RASGEF1A: variants seen among roughly 807,000 people sequenced by gnomAD.
RASGEF1A encodes the protein RasGEF domain family member 1A.
In RASGEF1A, 18 loss-of-function variants were observed where a neutral mutation model predicts 56.4. That is an observed-to-expected ratio of 0.32 (90% CI 0.22 to 0.47). The LOEUF (loss-of-function observed/expected upper bound fraction) is 0.47, where lower values mean the gene tolerates loss of function less well. Ranked by LOEUF, RASGEF1A falls within the 20% of genes least tolerant of loss-of-function variation. The probability of loss-of-function intolerance (pLI) is 1.00; values close to 1 mark genes in which losing one functional copy is unlikely to be tolerated. For synonymous variants in RASGEF1A, 245 were observed against 242.6 expected (o/e 1.01, Z -0.09); for missense variants, 422 against 627.1 (o/e 0.67, Z 3.49).
intron 1 of RASGEF1A, among the ~76,000 whole-genome samples, chr10:43,217,112 G>A (rs1840147424): frequency 1.3e-5 from 2 of 152,156 alleles, no homozygotes; most frequent in Non-Finnish European, 1.5e-5. Flanking sequence ...GTCACTCACT[G>A]GCAGGGGAGC....
chr10:43,211,376 C>A (rs116091301), intron 1 of RASGEF1A, among the ~76,000 whole-genome samples: 3 of 152,180 alleles, frequency 2.0e-5, no homozygotes, highest in African/African-American at 7.2e-5. Flanking sequence ...ACACCCCTGA[C>A]CTGCACAGCC....
chr10:43,228,752 A>T (rs1840316282), intron 1 of RASGEF1A, among the ~76,000 whole-genome samples: 1 of 152,148 alleles, frequency 6.6e-6, no homozygotes, highest in African/African-American at 2.4e-5. Context: ...TTACCTACAC[A>T]TTGTGCTTGT....
rs1050120744 is a variant in RASGEF1A, at chr10:43,196,909, G to A, written c.1348+67C>T. ...GGCCATCTCCCAGGGCAACCCCAAA[G>A]AGCACCGGGCCTGGACAAGGAGTCA... On this transcript the variant is annotated intron_variant, in intron 11 of 12. Coordinates refer to ENST00000395810, the MANE Select transcript of RASGEF1A (RefSeq NM_145313.4). This position sits in a 1 kb window ranked among gnomAD's most constrained non-coding sequence, Gnocchi z 4.6. The A allele has an allele frequency of 6.3e-7, 1 of 1,585,300 alleles. No individual in the cohort carries two copies. Among genetic ancestry groups the A allele is most frequent in the Admixed American group, 1.7e-5 (1 of 58,424 alleles).
At chr10:43,200,118 G>A (rs1042853664) in intron 6 of RASGEF1A, 64 bp downstream of exon 6, 79 of 1,358,890 alleles carry the variant, frequency 5.8e-5, no homozygotes, top group Non-Finnish European at 7.3e-5. Context: ...CACCCACCCT[G>A]CATGGAGCGC....
intron 1 of RASGEF1A, among the ~76,000 whole-genome samples, chr10:43,248,861 C>A (rs1016008070): frequency 2.0e-5 from 3 of 151,758 alleles, no homozygotes; most frequent in African/African-American, 7.3e-5. Context: ...TCCTGGGCCT[C>A]ATGAAGCATA....
At chr10:43,222,164 C>G (rs1054620394) in intron 1 of RASGEF1A, among the ~76,000 whole-genome samples, 1 of 152,146 alleles carries the variant, frequency 6.6e-6, no homozygotes, top group Admixed American at 6.5e-5. Context: ...TGTAACACAA[C>G]GGTAAGGATT....
intron 1 of RASGEF1A, among the ~76,000 whole-genome samples, chr10:43,262,647 G>A (rs1642005583): frequency 6.6e-6 from 1 of 152,240 alleles, no homozygotes; most frequent in South Asian, 2.1e-4. Flanking sequence ...CTAGACCCCA[G>A]GGGATCATAG....
At chr10:43,229,453 G>A (rs1840330084) in intron 1 of RASGEF1A, among the ~76,000 whole-genome samples, 1 of 152,190 alleles carries the variant, frequency 6.6e-6, no homozygotes, top group Non-Finnish European at 1.5e-5. Flanking sequence ...GCAGAGGCAG[G>A]CTGGGCGCCG....
chr10:43,196,207 G>A lies in RASGEF1A; in HGVS notation c.*37C>T. 1.2e-6 allele frequency: 2 copies of A among 1,608,602 alleles called. No individual in the cohort carries two copies. The highest frequency in any genetic ancestry group is 1.7e-6 in the Non-Finnish European group (2 of 1,176,240). ...CAGTCAAAATTTAAACCCAGTTAGT[G>A]CACGTGCTTCCTCTGGCGTCGCGGG... On this transcript the variant is annotated 3_prime_UTR_variant, in exon 13 of 13. Transcript: ENST00000395810. This position sits in a 1 kb window ranked among gnomAD's most constrained non-coding sequence, Gnocchi z 4.6.
At position 43,196,378 on chromosome 10, in the gene RASGEF1A, G is replaced by A. The variant is rs906114917; in HGVS notation, c.1421+98C>T. The stretch of plus-strand genomic sequence containing the variant: ...ACCAGGGACCCTGGACCAGGGACGC[G>A]GCAGTGCCCAGGCTCCCTTTCCAGG... On this transcript the variant is annotated intron_variant, in intron 12 of 12. Transcript: ENST00000395810. The surrounding 1 kb of genome is among the most constrained non-coding windows in gnomAD (Gnocchi z 4.6). The A allele has an allele frequency of 2.4e-5, 38 of 1,551,856 alleles. No individual in the cohort carries two copies. Among genetic ancestry groups the A allele is most frequent in the South Asian group, 6.7e-5 (6 of 89,698 alleles).
rs1264507974 is a variant in RASGEF1A at position 43,207,968 on chromosome 10, C to T, written c.-6-1846G>A. ...CTGGGTTTAACCTAGACTGTTGACC[C>T]ACAAAGCCAGAAGTGGCTGTATCAT... On this transcript the variant is annotated intron_variant, in intron 1 of 12. Transcript: ENST00000395810. 4.4e-6 allele frequency: 4 copies of T among 903,120 alleles called. No individual in the cohort carries two copies. The African/African-American group carries it at 7.2e-5, about 16-fold the overall frequency. 55.9% of individuals were successfully genotyped at this position (903,120 alleles called of 1,614,324 possible). A position where few individuals can be genotyped will look rare whatever the true frequency, so the allele number is the denominator to read the frequency against.
chr10:43,213,121 C>T (rs557532847), intron 1 of RASGEF1A, among the ~76,000 whole-genome samples: 73 of 152,244 alleles, frequency 4.8e-4, no homozygotes, highest in African/African-American at 5.3e-4. Flanking sequence ...CTTGGGCAAC[C>T]GGTACAGACT....
intron 1 of RASGEF1A, among the ~76,000 whole-genome samples, chr10:43,217,581 C>T (rs1427476527): frequency 1.3e-5 from 2 of 152,234 alleles, no homozygotes; most frequent in Non-Finnish European, 2.9e-5. Flanking sequence ...CCCCTCTGGA[C>T]GTCATCTATC....
chr10:43,199,133 C>T lies in RASGEF1A; in HGVS notation c.911G>A (p.Cys304Tyr). The change falls in exon 8 of 13, where the codon TGC becomes TAC. Residue 304 changes from cysteine (C) to tyrosine (Y), a missense_variant. Around this residue, in one of 2 missense-constraint regions of RASGEF1A, gnomAD observed 149 missense variants for 287.2 expected, o/e 0.52. Transcript: ENST00000395810. Reference sequence around the variant, plus strand: ...GGAGTTGAAGTTCCCGATGTTGAAGCACTCCCGGGCCACATCAATGAAGAA... The same window carrying T: ...GGAGTTGAAGTTCCCGATGTTGAAGTACTCCCGGGCCACATCAATGAAGAA... ...LEFFIDVARE[C>Y]FNIGNFNSMM... The T allele has an allele frequency of 6.2e-7, 1 of 1,613,910 alleles. No individual in the cohort carries two copies. The highest frequency in any genetic ancestry group is 8.5e-7 in the Non-Finnish European group (1 of 1,180,018).
intron 1 of RASGEF1A, chr10:43,207,100 C>A: frequency 1.0e-6 from 1 of 985,534 alleles, no homozygotes; most frequent in Non-Finnish European, 1.2e-6. Flanking sequence ...CAAGTGGGGA[C>A]TGGACGATGC....
chr10:43,261,309 G>A (rs1316287674), intron 1 of RASGEF1A, among the ~76,000 whole-genome samples: 1 of 152,222 alleles, frequency 6.6e-6, no homozygotes, highest in Non-Finnish European at 1.5e-5. Flanking sequence ...GTCAAGGTAA[G>A]CCCAGCTCCC....
At chr10:43,235,273 C>T (rs1564538948) in intron 1 of RASGEF1A, among the ~76,000 whole-genome samples, 1 of 152,246 alleles carries the variant, frequency 6.6e-6, no homozygotes, top group Non-Finnish European at 1.5e-5. Context: ...GCCACAGCGT[C>T]AGGCACACCT....
At chr10:43,218,435 G>A (rs932243981) in intron 1 of RASGEF1A, among the ~76,000 whole-genome samples, 7 of 152,172 alleles carry the variant, frequency 4.6e-5, no homozygotes, top group Non-Finnish European at 7.4e-5. Context: ...GGGGCGTTGG[G>A]GGTGACACTC....
intron 2 of RASGEF1A, 116 bp from the exon 3 acceptor site, chr10:43,203,536 G>A: frequency 2.1e-6 from 3 of 1,407,602 alleles, no homozygotes; most frequent in Non-Finnish European, 1.9e-6. Flanking sequence ...CGGTCCCGAG[G>A]CCATGCCTTC....
Sources: gnomAD v4.1 joint callset for allele counts (sites outside exome capture counted in the v4.1 genomes callset) on GRCh38, gnomAD v4.1.1 for gene constraint, gnomAD v4.1.1 regional missense constraint, Gnocchi (gnomAD v3.1) non-coding constraint, MANE v1.5 for transcripts, NCBI Gene and HGNC (gene_info 2026-07-23, HGNC 2026-07-21) for gene names.